Variants in LDB2 observed in about 807,000 individuals in gnomAD.
The protein encoded by LDB2 is LIM domain binding 2, also known as LIM domain-binding protein 2.
In LDB2, 12 loss-of-function variants were observed where a neutral mutation model predicts 44.3. The observed-to-expected ratio is 0.27, with a 90% CI of 0.17 to 0.44. The LOEUF (loss-of-function observed/expected upper bound fraction) is 0.44. Among genes scored for constraint, LDB2 ranks in the 20% least tolerant of loss-of-function variants. The pLI, the probability that LDB2 is intolerant of heterozygous loss-of-function variation, is 1.00. For synonymous variants in LDB2, 164 were observed against 174.8 expected, an observed-to-expected ratio of 0.94 and a Z score of 0.49; for missense variants, 344 against 473.5, an observed-to-expected ratio of 0.73 and a Z score of 2.54.
intron 2 of LDB2, among the ~76,000 whole-genome samples, chr4:16,630,819 CA>C (rs1731722354): frequency 6.6e-6 from 1 of 152,032 alleles, no homozygotes; most frequent in Admixed American, 6.6e-5. Flanking sequence ...TTTAAACCAA[CA>C]AAGATCAAAA....
intron 1 of LDB2, among the ~76,000 whole-genome samples, chr4:16,854,993 A>C (rs1167908416): frequency 6.7e-6 from 1 of 148,572 alleles, no homozygotes; most frequent in Non-Finnish European, 1.5e-5. Context: ...ATCAGTAAGA[A>C]AAAGACAAAC....
At chr4:16,584,785 ATTTACAG>A (rs1716145129) in intron 5 of LDB2, among the ~76,000 whole-genome samples, 1 of 152,202 alleles carries the variant, frequency 6.6e-6, no homozygotes, top group Non-Finnish European at 1.5e-5. Flanking sequence ...AAAGTCAACC[ATTTACAG>A]ATGACAATAA....
chr4:16,515,707 A>G (rs1723378889), intron 5 of LDB2, among the ~76,000 whole-genome samples: 1 of 152,178 alleles, frequency 6.6e-6, no homozygotes, highest in African/African-American at 2.4e-5. Flanking sequence ...TCTTTTCAAC[A>G]TTTTCAAATT....
At chr4:16,896,852 A>G (rs2110568542) in intron 1 of LDB2, among the ~76,000 whole-genome samples, 1 of 152,324 alleles carries the variant, frequency 6.6e-6, no homozygotes, top group East Asian at 1.9e-4. Context: ...AAACTGTTAC[A>G]CACACAAAGC....
intron 2 of LDB2, among the ~76,000 whole-genome samples, chr4:16,641,148 C>G (rs968053252): frequency 6.6e-6 from 1 of 152,050 alleles, no homozygotes; most frequent in African/African-American, 2.4e-5. Context: ...GAGGATATCT[C>G]TGTGATGTAT....
chr4:16,592,465 C>CATATATAT (rs71589671), intron 3 of LDB2, among the ~76,000 whole-genome samples: 5 of 116,600 alleles, frequency 4.3e-5, no homozygotes, highest in African/African-American at 1.4e-4. Flanking sequence ...ATTATACATA[C>CATATATAT]ATATATATAT....
chr4:16,789,873 A>T (rs962618014), intron 1 of LDB2, among the ~76,000 whole-genome samples: 3 of 152,212 alleles, frequency 2.0e-5, no homozygotes, highest in African/African-American at 7.2e-5. Flanking sequence ...TGGAGGTTGC[A>T]CGTAGCAGAG....
rs79538475 is a variant in LDB2 at position 16,537,018 on chromosome 4, C to G, written c.616-24914G>C. On this transcript the variant is annotated intron_variant, in intron 5 of 7. Coordinates refer to ENST00000304523, the MANE Select transcript of LDB2 (RefSeq NM_001290.5). ...TCCTAAACTCATATTTCGGTATTGC[C>G]TTTTTGAGGTTTTTACAGTTTACGT... Among the ~76,000 whole-genome samples, 245 of 152,270 alleles carry G rather than the reference C, an allele frequency of 1.6e-3. 1 individual carries two copies. Among genetic ancestry groups the G allele is most frequent in the African/African-American group, 5.5e-3 (227 of 41,556 alleles).
intron 1 of LDB2, among the ~76,000 whole-genome samples, chr4:16,828,631 A>C (rs796652471): frequency 3.1e-4 from 47 of 152,306 alleles, no homozygotes; most frequent in African/African-American, 1.1e-3. Context: ...CATGTGATAG[A>C]TATTGGGAGA....
chr4:16,741,639 C>T (rs500560), intron 2 of LDB2: 35,668 of 152,124 alleles, frequency 0.23, 4,951 homozygotes, highest in Non-Finnish European at 0.32. Flanking sequence ...TGCAAAAACT[C>T]CAAGATGTAT....
intron 2 of LDB2, among the ~76,000 whole-genome samples, chr4:16,675,964 G>A (rs1008410139): frequency 1.3e-5 from 2 of 152,340 alleles, no homozygotes; most frequent in Middle Eastern, 6.8e-3. Context: ...GTCAGAGGAA[G>A]AGGGAATATT....
At chr4:16,653,229 A>C (rs113639566) in intron 2 of LDB2, among the ~76,000 whole-genome samples, 4,849 of 152,026 alleles carry the variant, frequency 0.032, 266 homozygotes, top group African/African-American at 0.11. Context: ...CCTGACTTGC[A>C]CCCTCTTTTT....
intron 1 of LDB2, among the ~76,000 whole-genome samples, chr4:16,815,964 T>G (rs1484174154): frequency 6.6e-6 from 1 of 152,164 alleles, no homozygotes; most frequent in Non-Finnish European, 1.5e-5. Flanking sequence ...TCCCAGCACT[T>G]TGGGAGGCCG....
intron 2 of LDB2, among the ~76,000 whole-genome samples, chr4:16,720,340 T>C (rs1757992824): frequency 6.6e-6 from 1 of 152,060 alleles, no homozygotes; most frequent in African/African-American, 2.4e-5. Flanking sequence ...AACAGGAAAT[T>C]CCACCTGTGG....
At chr4:16,630,471 C>T (rs542814963) in intron 2 of LDB2, among the ~76,000 whole-genome samples, 2 of 152,248 alleles carry the variant, frequency 1.3e-5, no homozygotes, top group Admixed American at 1.3e-4. Flanking sequence ...TGGTACCAGC[C>T]ACTGCAAAAC....
intron 2 of LDB2, among the ~76,000 whole-genome samples, chr4:16,737,267 C>T (rs959866456): frequency 3.1e-4 from 47 of 151,990 alleles, no homozygotes; most frequent in African/African-American, 9.2e-4. Context: ...CTGGCTCTAT[C>T]GCCCGGGCTG....
intron 2 of LDB2, among the ~76,000 whole-genome samples, chr4:16,734,712 T>C (rs1361244776): frequency 6.8e-6 from 1 of 146,778 alleles, no homozygotes; most frequent in South Asian, 2.2e-4. Context: ...TCTTTTTTTT[T>C]TTTTTTTTTT....
rs138283292 is a variant in LDB2, at chr4:16,589,802, G to A, written c.409-970C>T. On this transcript the variant is annotated intron_variant, in intron 3 of 7. Coordinates refer to ENST00000304523, the MANE Select transcript of LDB2 (RefSeq NM_001290.5). ...AGGAAAGCAGTACAAAATAGCGGGCGGATACTTTGGCATCAGAGGGTACTG... is the reference window on the plus strand; with the variant it reads ...AGGAAAGCAGTACAAAATAGCGGGCAGATACTTTGGCATCAGAGGGTACTG... Among the ~76,000 whole-genome samples, 23 of 152,098 alleles carry A rather than the reference G, an allele frequency of 1.5e-4. No homozygotes were observed. The East Asian group carries it at 3.7e-3, about 24-fold the overall frequency.
At chr4:16,715,133 T>G (rs1756811095) in intron 2 of LDB2, among the ~76,000 whole-genome samples, 1 of 152,178 alleles carries the variant, frequency 6.6e-6, no homozygotes, top group African/African-American at 2.4e-5. Context: ...GATAGAAGCT[T>G]GTATTGTATG....
Sources: gnomAD v4.1 joint callset for allele counts (sites outside exome capture counted in the v4.1 genomes callset) on GRCh38, gnomAD v4.1.1 for gene constraint, MANE v1.5 for transcripts, NCBI Gene and HGNC (gene_info 2026-07-23, HGNC 2026-07-21) for gene names.